The following SLC7A10 variants were observed in gnomAD, a reference collection of about 807,000 sequenced individuals.
SLC7A10 encodes the protein asc-type amino acid transporter 1.
In SLC7A10, 30 loss-of-function variants were observed where a neutral mutation model predicts 52.7. The ratio of observed to expected loss-of-function variants is 0.57; its 90% confidence interval spans 0.43 to 0.77. SLC7A10 has a LOEUF of 0.77. Among genes scored for constraint, SLC7A10 ranks in the 30% least tolerant of loss-of-function variants. SLC7A10 has a pLI of 0.00. For missense variants in SLC7A10, 581 were observed against 698.5 expected, an observed-to-expected ratio of 0.83 and a Z score of 1.90; for synonymous variants, 318 against 314.9, an observed-to-expected ratio of 1.01 and a Z score of -0.10.
Position 33,211,469 on chromosome 19 carries a change from G to A in SLC7A10, c.857C>T (p.Ala286Val). 6.2e-7 allele frequency: 1 copy of A among 1,614,130 alleles called. No individual in the cohort carries two copies. The highest frequency in any genetic ancestry group is 8.5e-7 in the Non-Finnish European group (1 of 1,180,036). ...VTFVYTFTNI[A>V]YFTAMSPQEL... ...CTGGGGGGACATGGCCGTGAAGTAG[G>A]CAATGTTGGTGAACGTGTACACGAA... The change falls in exon 6 of 11, where the codon GCC (alanine) becomes GTC (valine). Residue 286 changes from alanine to valine, a missense_variant. Physicochemically the swap from Ala to Val is moderately conservative, Grantham distance 64 (BLOSUM62 0). Transcript: ENST00000253188.
intron 5 of SLC7A10, 200 bp downstream of exon 5, chr19:33,212,092 G>A (rs1261496003): frequency 7.2e-6 from 5 of 694,470 alleles, no homozygotes; most frequent in Non-Finnish European, 4.8e-6. Flanking sequence ...GCTGTGACGT[G>A]TCCATAGCCA....
chr19:33,209,543 C>T lies in SLC7A10; in HGVS notation c.1264-58G>A, dbSNP rs78686000. 2,003 of 1,566,722 alleles carry T rather than the reference C, an allele frequency of 1.3e-3. 20 individuals are homozygous for T. In the African/African-American group the frequency reaches 0.023, roughly 18 times the overall value. On this transcript the variant is annotated intron_variant, in intron 9 of 10. Transcript: ENST00000253188. Reference sequence around the variant, plus strand: ...CAGGGCCTCCAGCTGTCTGTACCCCCGACCCCTGGGGGTCTGGGGAATTTT... The same window carrying T: ...CAGGGCCTCCAGCTGTCTGTACCCCTGACCCCTGGGGGTCTGGGGAATTTT...
chr19:33,220,849 G>T (rs1196620805), intron 1 of SLC7A10: 3 of 152,168 alleles, frequency 2.0e-5, no homozygotes, highest in Non-Finnish European at 4.4e-5. Flanking sequence ...GTCACCCATG[G>T]TTCCTCTCTT....
chr19:33,211,743 G>A, intron 5 of SLC7A10: 1 of 895,822 alleles, frequency 1.1e-6, no homozygotes, highest in Non-Finnish European at 1.7e-6. Flanking sequence ...CTGGTAGGAT[G>A]GGAGATGGGG....
intron 2 of SLC7A10, among the ~76,000 whole-genome samples, chr19:33,214,788 ACACT>A (rs915758958): frequency 2.9e-4 from 44 of 152,312 alleles, no homozygotes; most frequent in African/African-American, 1.1e-3. Context: ...CCTCTTGTAC[ACACT>A]CTCAAAGCAA....
intron 5 of SLC7A10, 144 bp from the exon 6 acceptor site, chr19:33,211,681 G>T (rs112934417): frequency 4.8e-6 from 7 of 1,452,380 alleles, no homozygotes; most frequent in Admixed American, 2.0e-5. Flanking sequence ...ATTGCTGCCC[G>T]AGACACAGGG....
chr19:33,212,771 C>T lies in SLC7A10; in HGVS notation c.508+80G>A. ...GAATTTTCTGAAGGGAAATTTCACC[C>T]CTCTGTCCTCCTGCTCAGGGCAGGA... is the stretch of plus-strand genomic sequence containing the variant. On this transcript the variant is annotated intron_variant, in intron 3 of 10. Coordinates refer to ENST00000253188, the MANE Select transcript of SLC7A10 (RefSeq NM_019849.3). 2.5e-6 allele frequency: 4 copies of T among 1,605,864 alleles called. No homozygotes were observed. In the South Asian group the frequency reaches 3.3e-5, roughly 13 times the overall value.
At chr19:33,218,690 T>TCTTTCTTTCTTTCTTTCTTTCTTCTTTC (rs199544613) in intron 1 of SLC7A10, among the ~76,000 whole-genome samples, 5 of 90,372 alleles carry the variant, frequency 5.5e-5, no homozygotes, top group Admixed American at 3.6e-4. Context: ...TCTTTTTTTT[T>TCTTTCTTTCTTTCTTTCTTTCTTCTTTC]TTTTTTTAGT....
rs202063147 is a variant in SLC7A10 at position 33,208,841 on chromosome 19, C to T, written c.*50G>A. The T allele has an allele frequency of 2.0e-6, 3 of 1,535,642 alleles. No individual in the cohort carries two copies. The highest frequency in any genetic ancestry group is 2.7e-6 in the Non-Finnish European group (3 of 1,130,776). On this transcript the variant is annotated 3_prime_UTR_variant, in exon 11 of 11. Coordinates refer to ENST00000253188, the MANE Select transcript of SLC7A10 (RefSeq NM_019849.3). This position sits in a 1 kb window ranked among gnomAD's most constrained non-coding sequence, Gnocchi z 4.7. ...AAACTTTTTTGCCAAAACACCTCCT[C>T]AATAAACAACATGTAAACAGAAACA...
intron 5 of SLC7A10, 143 bp from the exon 6 acceptor site, chr19:33,211,680 C>G (rs941148605): frequency 8.0e-5 from 119 of 1,481,176 alleles, no homozygotes; most frequent in Non-Finnish European, 7.6e-5. Flanking sequence ...CATTGCTGCC[C>G]GAGACACAGG....
At chr19:33,216,669 G>A (rs1165003258) in intron 1 of SLC7A10, among the ~76,000 whole-genome samples, 2 of 151,286 alleles carry the variant, frequency 1.3e-5, no homozygotes, top group Non-Finnish European at 2.9e-5. Context: ...CCGCTTCCTG[G>A]ATTCAAGCAA....
chr19:33,210,528 A>ACGC lies in SLC7A10; in HGVS notation c.1199_1201dup (p.Gly400dup). 1 of 1,610,828 alleles carries ACGC rather than the reference A, an allele frequency of 6.2e-7. No individual in the cohort carries two copies. Among genetic ancestry groups the ACGC allele is most frequent in the Non-Finnish European group, 8.5e-7 (1 of 1,179,868 alleles). On this transcript the variant is annotated inframe_insertion, in exon 9 of 11. Transcript: ENST00000253188. The surrounding 1 kb of genome is among the most constrained non-coding windows in gnomAD (Gnocchi z 5.6). ...CAGCAGCAGCAGGCCCAGGATGGTG[A>ACGC]CGCCGTAGCAGAGGTAGTTGATGAA...
At chr19:33,211,350 G>A in intron 6 of SLC7A10, 22 bp from the exon 7 acceptor site, 1 of 1,613,642 alleles carries the variant, frequency 6.2e-7, no homozygotes, top group South Asian at 1.1e-5. Context: ...CAGTAGAGAG[G>A]CCATGTGTAA....
At chr19:33,211,596 A>G in intron 5 of SLC7A10, 59 bp from the exon 6 acceptor site, 1 of 1,612,042 alleles carries the variant, frequency 6.2e-7, no homozygotes. Context: ...GACCCCCGAG[A>G]CCCAGCCACG....
intron 2 of SLC7A10, among the ~76,000 whole-genome samples, chr19:33,214,500 C>T (rs1290776616): frequency 6.6e-6 from 1 of 152,226 alleles, no homozygotes. Flanking sequence ...CACAACGCAG[C>T]TGGACAAATA....
chr19:33,218,183 T>C (rs968264883), intron 1 of SLC7A10, among the ~76,000 whole-genome samples: 2 of 152,232 alleles, frequency 1.3e-5, no homozygotes, highest in Admixed American at 1.3e-4. Context: ...ACCATGCTTC[T>C]GCTTGGTGGG....
chr19:33,208,765 G>C lies in SLC7A10; in HGVS notation c.*126C>G, dbSNP rs1028685135. ...CACATTTTAGGGCTTCCTTAAACAG[G>C]CTTCTGAGAGTCGTATCTTTTTTCT... is the stretch of plus-strand genomic sequence containing the variant. On this transcript the variant is annotated 3_prime_UTR_variant, in exon 11 of 11. Transcript: ENST00000253188. This position sits in a 1 kb window ranked among gnomAD's most constrained non-coding sequence, Gnocchi z 4.7. 8.6e-5 allele frequency: 114 copies of C among 1,318,986 alleles called. No homozygotes were observed. Among genetic ancestry groups the C allele is most frequent in the Non-Finnish European group, 1.2e-4 (109 of 939,462 alleles). The allele number at this position is 1,318,986 out of a possible 1,614,324, so 81.7% of individuals were successfully genotyped here.
chr19:33,210,959 G>T lies in SLC7A10; in HGVS notation c.1017-61C>A. 1 of 1,518,832 alleles carries T rather than the reference G, an allele frequency of 6.6e-7. No individual in the cohort carries two copies. Among genetic ancestry groups the T allele is most frequent in the Non-Finnish European group, 9.1e-7 (1 of 1,096,670 alleles). 94.1% of individuals were successfully genotyped at this position (1,518,832 alleles called of 1,614,324 possible). On this transcript the variant is annotated intron_variant, in intron 7 of 10. Coordinates refer to ENST00000253188, the MANE Select transcript of SLC7A10 (RefSeq NM_019849.3). This position sits in a 1 kb window ranked among gnomAD's most constrained non-coding sequence, Gnocchi z 5.6. ...CCTGGGTCTCAGCTTTGGACCTGAT[G>T]TCCCTCTTAAGCTGTCGCCTCTGAC...
chr19:33,209,541 C>T, intron 9 of SLC7A10, 56 bp from the exon 10 acceptor site: 6 of 1,575,640 alleles, frequency 3.8e-6, no homozygotes, highest in Admixed American at 1.8e-5. Context: ...TGTCTGTACC[C>T]CCGACCCCTG....
Sources: allele counts gnomAD v4.1 joint callset (sites outside exome capture counted in the v4.1 genomes callset), GRCh38; gene constraint gnomAD v4.1.1; non-coding constraint Gnocchi (gnomAD v3.1); transcripts MANE v1.5; gene names NCBI Gene and HGNC (gene_info 2026-07-23, HGNC 2026-07-21).